The following TENM2 variants were observed in gnomAD, a reference collection of about 807,000 sequenced individuals.
TENM2 encodes teneurin transmembrane protein 2, also known as teneurin-2.
In TENM2, 52 loss-of-function variants were observed where a neutral mutation model predicts 245.2. The observed-to-expected ratio is 0.21, with a 90% CI of 0.17 to 0.27. TENM2 has a LOEUF of 0.27. Among genes scored for constraint, TENM2 ranks in the 10% least tolerant of loss-of-function variants. The probability of loss-of-function intolerance (pLI) is 1.00; values close to 1 mark genes in which losing one functional copy is unlikely to be tolerated. For synonymous variants in TENM2, 1,363 were observed against 1,438.9 expected (o/e 0.95, Z 1.19); for missense variants, 3,046 against 3,666.8 (o/e 0.83, Z 4.37).
intron 25 of TENM2, among the ~76,000 whole-genome samples, chr5:168,243,202 C>G (rs1450557860): frequency 6.6e-6 from 1 of 152,204 alleles, no homozygotes; most frequent in Non-Finnish European, 1.5e-5. Flanking sequence ...TCCAGCCACC[C>G]ACTCAGGGCT....
At chr5:167,003,811 G>A in the TENM2 span, among the ~76,000 whole-genome samples, 2 of 152,138 alleles carry the variant, frequency 1.3e-5, no homozygotes, top group African/African-American at 4.8e-5. Flanking sequence ...ACATTAGAAT[G>A]TAAAATGCTT....
intron 2 of TENM2, among the ~76,000 whole-genome samples, chr5:167,646,728 A>G (rs1439319775): frequency 6.6e-6 from 1 of 152,180 alleles, no homozygotes; most frequent in Non-Finnish European, 1.5e-5. Context: ...CAAATGAAAA[A>G]TAATAGCACA....
chr5:168,117,407 C>T (rs1051023990), intron 9 of TENM2, among the ~76,000 whole-genome samples: 1 of 152,114 alleles, frequency 6.6e-6, no homozygotes, highest in Non-Finnish European at 1.5e-5. Context: ...CTGTGTGTAC[C>T]TGAAACCACA....
intron 2 of TENM2, among the ~76,000 whole-genome samples, chr5:167,614,263 G>A (rs920366626): frequency 2.0e-5 from 3 of 152,022 alleles, no homozygotes; most frequent in East Asian, 1.9e-4. Context: ...ACACGGTAAC[G>A]GAATAAACAA....
chr5:167,697,355 A>G (rs1212058180), intron 2 of TENM2, among the ~76,000 whole-genome samples: 1 of 152,074 alleles, frequency 6.6e-6, no homozygotes, highest in South Asian at 2.1e-4. Flanking sequence ...TTTTCCTTAT[A>G]AGGACTTATT....
intron 3 of TENM2, among the ~76,000 whole-genome samples, chr5:167,888,495 A>G (rs1280259306): frequency 6.6e-6 from 1 of 152,214 alleles, no homozygotes; most frequent in Non-Finnish European, 1.5e-5. Context: ...AAGTGGAGGC[A>G]GACCCTTTCT....
At chr5:167,046,200 G>A in the TENM2 span, among the ~76,000 whole-genome samples, 5 of 152,008 alleles carry the variant, frequency 3.3e-5, no homozygotes, top group Admixed American at 6.6e-5. Context: ...CTGTGTGGAC[G>A]TCTCTCACCT....
chr5:167,375,298 T>C, exon 2 of TENM2: 1 of 1,551,638 alleles, frequency 6.4e-7, no homozygotes, highest in Non-Finnish European at 8.7e-7. Context: ...GCTACTCCCT[T>C]AGCACAGGGT....
intron 2 of TENM2, among the ~76,000 whole-genome samples, chr5:167,412,358 A>T (rs1762952567): frequency 6.6e-6 from 1 of 152,056 alleles, no homozygotes; most frequent in African/African-American, 2.4e-5. Context: ...AGACCACCTG[A>T]ATCAGAAACT....
chr5:168,156,319 G>T (rs1187855021), intron 12 of TENM2, among the ~76,000 whole-genome samples: 2 of 145,892 alleles, frequency 1.4e-5, no homozygotes, highest in African/African-American at 5.1e-5. Flanking sequence ...CTCTCCTGAT[G>T]GTCTCTTGAA....
chr5:167,190,967 G>A, the TENM2 span, among the ~76,000 whole-genome samples: 43 of 151,844 alleles, frequency 2.8e-4, no homozygotes, highest in East Asian at 1.2e-3. Context: ...GTTATCTTTC[G>A]TTGTGTAACT....
chr5:167,246,396 A>C, the TENM2 span, among the ~76,000 whole-genome samples: 548 of 152,242 alleles, frequency 3.6e-3, 1 homozygote, highest in African/African-American at 0.013. Flanking sequence ...TACAATGAGC[A>C]TACACTGTTT....
In TENM2 at chr5:167,656,753, C is replaced by T. The variant is rs1441093445; in HGVS notation, c.503-219233C>T. ...TCCAAATTAAAGAAATCCCAGTTAA[C>T]TTGGTTACATTATATATCAACAGCC... is the stretch of plus-strand genomic sequence containing the variant. On this transcript the variant is annotated intron_variant, in intron 2 of 28. Transcript: ENST00000518659. 5.3e-5 allele frequency among the ~76,000 whole-genome samples: 8 copies of T among 152,104 alleles called. No homozygotes were observed. In the East Asian group the frequency reaches 9.7e-4, roughly 18 times the overall value.
chr5:168,092,090 G>C (rs17069821), intron 8 of TENM2, among the ~76,000 whole-genome samples: 12,492 of 152,026 alleles, frequency 0.082, 886 homozygotes, highest in East Asian at 0.31. Flanking sequence ...CTTTTCTATT[G>C]GTCCCATGGA....
intron 2 of TENM2, among the ~76,000 whole-genome samples, chr5:167,722,699 C>A (rs1759714689): frequency 6.6e-6 from 1 of 152,184 alleles, no homozygotes; most frequent in South Asian, 2.1e-4. Context: ...ATTGCTTGAA[C>A]CCGGGACAAG....
intron 2 of TENM2, among the ~76,000 whole-genome samples, chr5:167,859,078 C>G (rs367605238): frequency 7.6e-6 from 1 of 131,478 alleles, no homozygotes; most frequent in African/African-American, 2.8e-5. Context: ...CGTCTCTGCC[C>G]GGCCGCCCAT....
intron 2 of TENM2, among the ~76,000 whole-genome samples, chr5:167,738,345 G>T (rs1302080200): frequency 1.3e-5 from 2 of 152,166 alleles, no homozygotes; most frequent in African/African-American, 4.8e-5. Flanking sequence ...TCACACTTCT[G>T]ATATCCTCTC....
intron 2 of TENM2, among the ~76,000 whole-genome samples, chr5:167,563,247 A>T (rs1449804624): frequency 6.6e-6 from 1 of 152,174 alleles, no homozygotes; most frequent in Non-Finnish European, 1.5e-5. Flanking sequence ...TCCCTGTGCC[A>T]CTTGCCTTTT....
Position 167,853,289 on chromosome 5 carries a change from C to CAAAAAAAAAAAAA in TENM2, c.503-22686_503-22674dup, listed in dbSNP as rs777170514. 7.1e-3 allele frequency among the ~76,000 whole-genome samples: 175 copies of CAAAAAAAAAAAAA among 24,590 alleles called. 18 individuals are homozygous for CAAAAAAAAAAAAA. The highest frequency in any genetic ancestry group is 0.014 in the African/African-American group (93 of 6,624). 16.1% of individuals were successfully genotyped at this position (24,590 alleles called of 152,430 possible). A position where few individuals can be genotyped will look rare whatever the true frequency, so the allele number is the denominator to read the frequency against. ...TGGGAGACAGAGCGAGACTCCGTCT[C>CAAAAAAAAAAAAA]AAAAAAAAAAAAAAAAAAAAAAAGA... On this transcript the variant is annotated intron_variant, in intron 2 of 28. Coordinates refer to ENST00000518659, the Ensembl canonical transcript of TENM2.
Sources: allele counts gnomAD v4.1 joint callset (sites outside exome capture counted in the v4.1 genomes callset), GRCh38; gene constraint gnomAD v4.1.1; transcripts MANE v1.5; gene names NCBI Gene and HGNC (gene_info 2026-07-23, HGNC 2026-07-21).